The following FXYD3 variants were observed in gnomAD, a reference collection of about 807,000 sequenced individuals.
FXYD3 encodes FXYD domain containing ion transport regulator 3, also known as FXYD domain-containing ion transport regulator 3.
A neutral mutation model predicts 19.2 loss-of-function variants in FXYD3; 13 were observed. The ratio of observed to expected loss-of-function variants is 0.68; its 90% CI spans 0.44 to 1.08. FXYD3 has a LOEUF of 1.08. Among genes scored for constraint, FXYD3 ranks in the 50% least tolerant of loss-of-function variants. The probability of loss-of-function intolerance (pLI) is 0.00; values close to 1 mark genes in which losing one functional copy is unlikely to be tolerated. For missense variants in FXYD3, 101 were observed against 109.4 expected (o/e 0.92, Z 0.34); for synonymous variants, 48 against 38.9 (o/e 1.23, Z -0.87).
In FXYD3 at chr19:35,120,536, G is replaced by A. The variant is rs115106950; in HGVS notation, c.41-542G>A. Among the ~76,000 whole-genome samples, 561 of 152,288 alleles carry A rather than the reference G, an allele frequency of 3.7e-3. 4 individuals are homozygous for A. The highest frequency in any genetic ancestry group is 0.013 in the African/African-American group (540 of 41,546). The stretch of plus-strand genomic sequence containing the variant: ...CTCTGGGATTACAGGCACACTTTTT[G>A]TCCATTACATAGGGCAAGACCAGTA... On this transcript the variant is annotated intron_variant, in intron 3 of 8. Coordinates refer to ENST00000604404, the MANE Select transcript of FXYD3 (RefSeq NM_005971.4).
rs1331921035 is a variant in FXYD3, at chr19:35,123,286, G to A, written c.225G>A (p.Glu75=). The A allele has an allele frequency of 2.5e-6, 4 of 1,606,022 alleles. No individual in the cohort carries two copies. The highest frequency in any genetic ancestry group is 1.7e-6 in the Non-Finnish European group (2 of 1,176,196). ...GTCTCCTTAGTCACCATCCAGGGGA[G>A]ACTCCACCTCTCATCACCCCAGGTA... is the stretch of plus-strand genomic sequence containing the variant. ...FGQKSGHHPG[E]TPPLITPGSA... Residue 75 remains glutamate, a synonymous_variant, in exon 8 of 9, where the codon GAG becomes GAA. Transcript: ENST00000604404.
At chr19:35,121,198 A>T in intron 4 of FXYD3, 24 bp from the exon 5 acceptor site, 2 of 1,614,144 alleles carry the variant, frequency 1.2e-6, no homozygotes, top group East Asian at 4.5e-5. Context: ...TCCTGGATTC[A>T]TGATCTTTTT....
At chr19:35,121,029 G>A in intron 3 of FXYD3, 49 bp from the exon 4 acceptor site, 1 of 1,609,866 alleles carries the variant, frequency 6.2e-7, no homozygotes, top group African/African-American at 1.3e-5. Flanking sequence ...CAAAGGCTTG[G>A]CTGAGGCCGG....
Position 35,123,513 on chromosome 19 carries a change from T to C in FXYD3, c.*56T>C, listed in dbSNP as rs1442300098. The stretch of plus-strand genomic sequence containing the variant: ...GACCGTTCTCTGTCCCCAGGTCCTG[T>C]CTCTGCACAGAAACTTGAACTCCAG... On this transcript the variant is annotated 3_prime_UTR_variant, in exon 9 of 9. Coordinates refer to ENST00000604404, the MANE Select transcript of FXYD3 (RefSeq NM_005971.4). The C allele has an allele frequency of 9.4e-6, 15 of 1,590,242 alleles. No individual in the cohort carries two copies. The highest frequency in any genetic ancestry group is 1.7e-4 in the Middle Eastern group (1 of 5,990).
chr19:35,119,667 TTG>T (rs386808895), intron 3 of FXYD3: 11 of 421,912 alleles, frequency 2.6e-5, no homozygotes, highest in South Asian at 8.1e-5. Flanking sequence ...TTTTTTGTTT[TTG>T]TTTTTGTTTT....
At chr19:35,122,675 T>G (rs1219933145) in intron 5 of FXYD3, 90 bp from the exon 6 acceptor site, 1 of 1,048,294 alleles carries the variant, frequency 9.5e-7, no homozygotes, top group South Asian at 1.3e-5. Flanking sequence ...CTGTGCATCC[T>G]AGGTGCTCCA....
In FXYD3 at chr19:35,116,380, C is replaced by T. The variant is rs559599825; in HGVS notation, c.-15+21C>T. On this transcript the variant is annotated intron_variant, in intron 2 of 8. Transcript: ENST00000604404. ...CACAGGTGAGCAGCTGGGGCCCCTTCCTCCAAGCCCTCCTTGTCTCTGCCC... is the reference window on the plus strand; with the variant it reads ...CACAGGTGAGCAGCTGGGGCCCCTTTCTCCAAGCCCTCCTTGTCTCTGCCC... The T allele has an allele frequency of 3.0e-6, 3 of 985,502 alleles. No homozygotes were observed. The East Asian group carries it at 3.4e-4, about 112-fold the overall frequency. The allele number at this position is 985,502 out of a possible 1,614,324, so 61.0% of individuals were successfully genotyped here.
At position 35,123,251 on chromosome 19, in the gene FXYD3, C is replaced by T; in HGVS notation, c.210-20C>T. On this transcript the variant is annotated intron_variant, in intron 7 of 8. Transcript: ENST00000604404. ...GGCAAATGGGGGCGGACACCAATCT[C>T]ACCACTTTTGTCTCCTTAGTCACCA... 1.3e-6 allele frequency: 2 copies of T among 1,576,020 alleles called. No individual in the cohort carries two copies. Among genetic ancestry groups the T allele is most frequent in the Non-Finnish European group, 1.7e-6 (2 of 1,160,548 alleles).
chr19:35,119,196 C>T lies in FXYD3; in HGVS notation c.-14-167C>T, dbSNP rs568277404. On this transcript the variant is annotated intron_variant, in intron 2 of 8. Transcript: ENST00000604404. ...CGAGTTTCACCCAGTCCCCACTCCACGGTGCAGCTGCGGCTTATCTCTCAG... is the reference window on the plus strand; with the variant it reads ...CGAGTTTCACCCAGTCCCCACTCCATGGTGCAGCTGCGGCTTATCTCTCAG... 8.8e-5 allele frequency: 138 copies of T among 1,568,904 alleles called. 2 individuals carry two copies. The South Asian group carries it at 1.3e-3, about 15-fold the overall frequency.
At position 35,123,615 on chromosome 19, in the gene FXYD3, T is replaced by C. The variant is rs1600463499; in HGVS notation, c.*158T>C. On this transcript the variant is annotated 3_prime_UTR_variant, in exon 9 of 9. Coordinates refer to ENST00000604404, the MANE Select transcript of FXYD3 (RefSeq NM_005971.4). ...CTCACCTCTCGCAAGAGGGTCTCTT[T>C]GTTCAATTTTTTTTAATCTAAAATG... 1 of 726,664 alleles carries C rather than the reference T, an allele frequency of 1.4e-6. No individual in the cohort carries two copies. Among genetic ancestry groups the C allele is most frequent in the Non-Finnish European group, 2.3e-6 (1 of 434,142 alleles). 45.0% of individuals were successfully genotyped at this position (726,664 alleles called of 1,614,324 possible).
intron 3 of FXYD3, 93 bp downstream of exon 3, chr19:35,119,509 G>C: frequency 8.5e-7 from 1 of 1,174,688 alleles, no homozygotes; most frequent in Non-Finnish European, 1.3e-6. Flanking sequence ...CTACCTCCCC[G>C]GGAAGGTGGT....
chr19:35,117,402 C>A, intron 2 of FXYD3: 1 of 1,458,402 alleles, frequency 6.9e-7, no homozygotes, highest in Non-Finnish European at 9.0e-7. Flanking sequence ...GCCATGGCGA[C>A]AGAGCATAGG....
Position 35,122,959 on chromosome 19 carries a change from G to A in FXYD3, c.209+5G>A, listed in dbSNP as rs1387675144. On this transcript the variant is annotated splice_donor_5th_base_variant and intron_variant, in intron 7 of 8. Transcript: ENST00000604404. ...CAAGTTTGGCCAGAAGTCCGGGTAA[G>A]ATACTGTTCCGGCATGCCCGCCTCA... is the stretch of plus-strand genomic sequence containing the variant. 6.3e-6 allele frequency: 10 copies of A among 1,588,062 alleles called. No homozygotes were observed. The highest frequency in any genetic ancestry group is 1.3e-5 in the African/African-American group (1 of 74,536).
At position 35,123,289 on chromosome 19, in the gene FXYD3, T is replaced by G; in HGVS notation, c.228T>G (p.Thr76=). The part of the protein sequence containing the change: ...GQKSGHHPGE[T]PPLITPGSAQ... The stretch of plus-strand genomic sequence containing the variant: ...TCCTTAGTCACCATCCAGGGGAGAC[T>G]CCACCTCTCATCACCCCAGGTAAGA... The change falls in exon 8 of 9, where the codon ACT becomes ACG. Residue 76 remains threonine, a synonymous_variant. Coordinates refer to ENST00000604404, the MANE Select transcript of FXYD3 (RefSeq NM_005971.4). The G allele has an allele frequency of 6.2e-7, 1 of 1,607,096 alleles. No homozygotes were observed. Among genetic ancestry groups the G allele is most frequent in the Non-Finnish European group, 8.5e-7 (1 of 1,176,730 alleles).
Position 35,119,413 on chromosome 19 carries a change from G to T in FXYD3, c.37G>T (p.Ala13Ser). The T allele has an allele frequency of 6.2e-7, 1 of 1,613,908 alleles. No homozygotes were observed. Residue 13 changes from alanine (A) to serine (S), a missense_variant, in exon 3 of 9, where the codon GCA becomes TCA. By Grantham distance (99) the Ala-to-Ser change is moderately conservative. Transcript: ENST00000604404. ...KVTLGLLVFL[A>S]GFPVLDANDL... ...GACCCTGGGCCTGCTTGTGTTCCTGGCAGGTGAGTACCCATCCCCCGTCTG... is the reference window on the plus strand; with the variant it reads ...GACCCTGGGCCTGCTTGTGTTCCTGTCAGGTGAGTACCCATCCCCCGTCTG...
At position 35,116,247 on chromosome 19, in the gene FXYD3, G is replaced by T; in HGVS notation, c.-110-17G>T. On this transcript the variant is annotated splice_polypyrimidine_tract_variant and intron_variant, in intron 1 of 8. Coordinates refer to ENST00000604404, the MANE Select transcript of FXYD3 (RefSeq NM_005971.4). ...CCCTGGGCCTCAGGGCATCTGACTT[G>T]TTTTCTACCTGCCCAGGTTTGCTTA... 1.0e-6 allele frequency: 1 copy of T among 985,430 alleles called. No individual in the cohort carries two copies. The allele number at this position is 985,430 out of a possible 1,614,324, so 61.0% of individuals were successfully genotyped here. A position where few individuals can be genotyped will look rare whatever the true frequency, so the allele number is the denominator to read the frequency against.
rs1038470718 is a variant in FXYD3 at position 35,116,432 on chromosome 19, C to T, written c.-15+73C>T. On this transcript the variant is annotated intron_variant, in intron 2 of 8. Coordinates refer to ENST00000604404, the MANE Select transcript of FXYD3 (RefSeq NM_005971.4). Reference sequence around the variant, plus strand: ...TAAATTAGGAAGTATCTACCTGCCCCCTGACCCTGCCCCATAGAAGCTTTT... The same window carrying T: ...TAAATTAGGAAGTATCTACCTGCCCTCTGACCCTGCCCCATAGAAGCTTTT... The T allele has an allele frequency of 3.3e-5, 33 of 985,276 alleles. No homozygotes were observed. In the East Asian group the frequency reaches 9.1e-4, roughly 27 times the overall value. 61.0% of individuals were successfully genotyped at this position (985,276 alleles called of 1,614,324 possible). A position where few individuals can be genotyped will look rare whatever the true frequency, so the allele number is the denominator to read the frequency against.
intron 2 of FXYD3, among the ~76,000 whole-genome samples, chr19:35,118,836 G>A (rs2064964343): frequency 6.6e-6 from 1 of 152,132 alleles, no homozygotes; most frequent in African/African-American, 2.4e-5. Flanking sequence ...CCTGAAGTCT[G>A]CAATGTCCTG....
At chr19:35,121,280 C>A in intron 5 of FXYD3, 35 bp downstream of exon 5, 1 of 1,614,192 alleles carries the variant, frequency 6.2e-7, no homozygotes, top group African/African-American at 1.3e-5. Flanking sequence ...CTCCCCACAA[C>A]CCCACATACT....
Sources: allele counts gnomAD v4.1 joint callset (sites outside exome capture counted in the v4.1 genomes callset), GRCh38; gene constraint gnomAD v4.1.1; transcripts MANE v1.5; gene names NCBI Gene and HGNC (gene_info 2026-07-23, HGNC 2026-07-21).